RBFOX1: variants seen among roughly 807,000 people sequenced by gnomAD.
The protein encoded by RBFOX1 is RNA binding fox-1 homolog 1.
A neutral mutation model predicts 57.7 loss-of-function variants in RBFOX1; 8 were observed. The ratio of observed to expected loss-of-function variants is 0.14; its 90% CI spans 0.08 to 0.25. The LOEUF (loss-of-function observed/expected upper bound fraction) is 0.25, where lower values mean the gene tolerates loss of function less well. Ranked by LOEUF, RBFOX1 falls within the 10% of genes least tolerant of loss-of-function variation. RBFOX1 has a pLI of 1.00. For synonymous variants in RBFOX1, 326 were observed against 222.4 expected (o/e 1.47, Z -4.15); for missense variants, 611 against 548.5 (o/e 1.11, Z -1.14).
intron 3 of RBFOX1, among the ~76,000 whole-genome samples, chr16:6,843,761 T>G (rs1426911673): frequency 6.6e-6 from 1 of 152,172 alleles, no homozygotes; most frequent in African/African-American, 2.4e-5. Flanking sequence ...GTTAGTAGAT[T>G]TAGGAACGTA....
chr16:6,330,842 T>C (rs770185712), intron 2 of RBFOX1, among the ~76,000 whole-genome samples: 6 of 152,154 alleles, frequency 3.9e-5, no homozygotes, highest in Non-Finnish European at 5.9e-5. Context: ...GGAAGTGATA[T>C]TTAAGTGGAG....
At chr16:6,648,588 G>A (rs941224304) in intron 2 of RBFOX1, among the ~76,000 whole-genome samples, 1 of 152,106 alleles carries the variant, frequency 6.6e-6, no homozygotes, top group East Asian at 1.9e-4. Flanking sequence ...TCAGTCCACT[G>A]CCACATCCCC....
chr16:6,407,452 A>G (rs2795537), intron 2 of RBFOX1, among the ~76,000 whole-genome samples: 31,954 of 151,716 alleles, frequency 0.21, 5,783 homozygotes, highest in African/African-American at 0.49. Context: ...ATTTTTATGT[A>G]TATCTATGTC....
chr16:5,361,214 G>A (rs796386501), intron 1 of RBFOX1, among the ~76,000 whole-genome samples: 2 of 152,150 alleles, frequency 1.3e-5, no homozygotes, highest in Admixed American at 1.3e-4. Flanking sequence ...TGGTGATATG[G>A]TTCTGTCTTC....
At chr16:6,402,074 T>C (rs2093093798) in intron 2 of RBFOX1, among the ~76,000 whole-genome samples, 1 of 150,050 alleles carries the variant, frequency 6.7e-6, no homozygotes, top group Non-Finnish European at 1.5e-5. Flanking sequence ...AAGGATGAGA[T>C]GACTGGGGAG....
At chr16:5,543,327 T>G (rs2045044904) in intron 2 of RBFOX1, among the ~76,000 whole-genome samples, 1 of 151,920 alleles carries the variant, frequency 6.6e-6, no homozygotes, top group Non-Finnish European at 1.5e-5. Flanking sequence ...AACAGAAACA[T>G]GGAAGACAAA....
chr16:6,037,145 A>G (rs1485617480), intron 1 of RBFOX1: 1 of 152,196 alleles, frequency 6.6e-6, no homozygotes, highest in Non-Finnish European at 1.5e-5. Flanking sequence ...TGTATGTCTT[A>G]AAGTCCAATT....
chr16:5,922,599 G>A (rs1300219082), intron 4 of RBFOX1, among the ~76,000 whole-genome samples: 7 of 152,116 alleles, frequency 4.6e-5, no homozygotes, highest in Admixed American at 2.6e-4. Context: ...ACAGTCATCC[G>A]CCCACTCTGG....
intron 1 of RBFOX1, among the ~76,000 whole-genome samples, chr16:5,316,749 T>A (rs1275209329): frequency 2.0e-5 from 3 of 152,210 alleles, no homozygotes; most frequent in African/African-American, 7.2e-5. Context: ...TCCATCTCTC[T>A]TCTGCTGAAA....
At chr16:7,671,459 C>G in intron 13 of RBFOX1, 1 of 1,195,344 alleles carries the variant, frequency 8.4e-7, no homozygotes, top group Non-Finnish European at 1.2e-6. Context: ...GAGAAGCAAA[C>G]TTGTAAATGA....
At chr16:5,316,886 A>G (rs988287186) in intron 1 of RBFOX1, among the ~76,000 whole-genome samples, 4 of 152,062 alleles carry the variant, frequency 2.6e-5, no homozygotes, top group African/African-American at 7.2e-5. Context: ...CCTCCTTTAT[A>G]TGGGTGGGCA....
chr16:7,025,314 C>T (rs2040560336), intron 3 of RBFOX1, among the ~76,000 whole-genome samples: 1 of 152,078 alleles, frequency 6.6e-6, no homozygotes, highest in Non-Finnish European at 1.5e-5. Context: ...TGAGGACGAC[C>T]AGAGGTCCCT....
At chr16:6,026,686 G>T (rs2095201783) in intron 1 of RBFOX1, among the ~76,000 whole-genome samples, 1 of 152,272 alleles carries the variant, frequency 6.6e-6, no homozygotes, top group Non-Finnish European at 1.5e-5. Context: ...TTATCGTTGT[G>T]TAAGAGCCTC....
intron 4 of RBFOX1, among the ~76,000 whole-genome samples, chr16:7,254,662 G>A (rs1021852489): frequency 1.3e-5 from 2 of 151,974 alleles, no homozygotes; most frequent in Non-Finnish European, 2.9e-5. Context: ...CTGATTGGAG[G>A]TGAAAGCCAT....
chr16:7,281,897 G>A (rs1157912331), intron 4 of RBFOX1, among the ~76,000 whole-genome samples: 3 of 151,762 alleles, frequency 2.0e-5, no homozygotes. Flanking sequence ...GTCTTACTCT[G>A]TCACCCAGGA....
At chr16:6,677,482 A>G (rs970234086) in intron 3 of RBFOX1, among the ~76,000 whole-genome samples, 1 of 152,206 alleles carries the variant, frequency 6.6e-6, no homozygotes, top group African/African-American at 2.4e-5. Flanking sequence ...CTAAAAAGAA[A>G]GTTTTAAACA....
intron 3 of RBFOX1, among the ~76,000 whole-genome samples, chr16:5,683,198 C>G (rs958175251): frequency 4.6e-5 from 7 of 152,048 alleles, no homozygotes; most frequent in Non-Finnish European, 1.0e-4. Flanking sequence ...AGTCTCTCAA[C>G]CTTAGATGCA....
chr16:6,380,616 G>T (rs1277581908), intron 2 of RBFOX1, among the ~76,000 whole-genome samples: 2 of 151,760 alleles, frequency 1.3e-5, no homozygotes, highest in Non-Finnish European at 2.9e-5. Context: ...GCATACTTAG[G>T]ATATGTCTTT....
At chr16:5,794,943 C>G (rs1217085997) in intron 3 of RBFOX1, among the ~76,000 whole-genome samples, 2 of 152,190 alleles carry the variant, frequency 1.3e-5, no homozygotes, top group Non-Finnish European at 2.9e-5. Flanking sequence ...ATTCCCCAGG[C>G]ACACACCCAC....
Sources: allele counts gnomAD v4.1 joint callset (sites outside exome capture counted in the v4.1 genomes callset), GRCh38; gene constraint gnomAD v4.1.1; transcripts MANE v1.5; gene names NCBI Gene and HGNC (gene_info 2026-07-23, HGNC 2026-07-21).